ADGRD1: variants seen among roughly 807,000 people sequenced by gnomAD.
The protein encoded by ADGRD1 is adhesion G protein-coupled receptor D1.
A neutral mutation model predicts 113.4 loss-of-function variants in ADGRD1; 77 were observed. That is an observed-to-expected ratio of 0.68 (90% CI 0.57 to 0.82). The LOEUF (loss-of-function observed/expected upper bound fraction) is 0.82. ADGRD1 is among the 40% of genes least tolerant of loss of function. The pLI is 0.00. For synonymous variants in ADGRD1, 474 were observed against 475.0 expected, an observed-to-expected ratio of 1.00 and a Z score of 0.03; for missense variants, 1,036 against 1,139.1, an observed-to-expected ratio of 0.91 and a Z score of 1.30.
At position 130,966,778 on chromosome 12, in the gene ADGRD1, T is replaced by C. The variant is rs1427214000; in HGVS notation, c.187+232T>C. On this transcript the variant is annotated intron_variant, in intron 3 of 24. Coordinates refer to ENST00000261654, the MANE Select transcript of ADGRD1 (RefSeq NM_198827.5). This position sits in a 1 kb window ranked among gnomAD's most constrained non-coding sequence, Gnocchi z 4.6. ...CAAATACTTGTGTAACTTCCCGTAA[T>C]AGTTATTTCAAAGCTTTTTTTTTTG... 1.2e-5 allele frequency: 6 copies of C among 514,686 alleles called. No homozygotes were observed. The highest frequency in any genetic ancestry group is 3.7e-5 in the Admixed American group (1 of 27,392). 31.9% of individuals were successfully genotyped at this position (514,686 alleles called of 1,614,324 possible).
chr12:130,958,905 C>T (rs966464134), intron 2 of ADGRD1, among the ~76,000 whole-genome samples: 15 of 152,158 alleles, frequency 9.9e-5, no homozygotes, highest in Admixed American at 7.9e-4. Context: ...GCCCTCGCAC[C>T]GCGGGTGGAG....
At chr12:131,039,223 T>C (rs950193973) in intron 13 of ADGRD1, among the ~76,000 whole-genome samples, 1 of 151,506 alleles carries the variant, frequency 6.6e-6, no homozygotes, top group African/African-American at 2.4e-5. Flanking sequence ...CGGAGAGCCC[T>C]GTGCTCCTCC....
Position 131,113,677 on chromosome 12 carries a change from G to A in ADGRD1, c.2042-4708G>A, listed in dbSNP as rs948850460. ...CTTGGGCAGCCACCTCCAGACTGCG[G>A]CTGGTCATGCAGGGAGCTCCCCGAG... is the stretch of plus-strand genomic sequence containing the variant. On this transcript the variant is annotated intron_variant, in intron 18 of 24. Transcript: ENST00000261654. The surrounding 1 kb of genome is among the most constrained non-coding windows in gnomAD (Gnocchi z 4.9). Among the ~76,000 whole-genome samples, 1 of 152,198 alleles carries A rather than the reference G, an allele frequency of 6.6e-6. No homozygotes were observed. Among genetic ancestry groups the A allele is most frequent in the African/African-American group, 2.4e-5 (1 of 41,450 alleles).
intron 8 of ADGRD1, among the ~76,000 whole-genome samples, chr12:130,997,826 T>C (rs1047640523): frequency 8.5e-5 from 13 of 152,116 alleles, no homozygotes; most frequent in Non-Finnish European, 1.5e-5. Flanking sequence ...GGCTGCAATC[T>C]CGGCACTTTG....
intron 12 of ADGRD1, among the ~76,000 whole-genome samples, chr12:131,009,880 A>T (rs1877651485): frequency 6.6e-6 from 1 of 152,172 alleles, no homozygotes; most frequent in South Asian, 2.1e-4. Context: ...AAATGATAAG[A>T]GCTGAGAGTG....
intron 2 of ADGRD1, chr12:130,962,716 T>G (rs1357963228): frequency 6.6e-6 from 1 of 152,248 alleles, no homozygotes; most frequent in African/African-American, 2.4e-5. Flanking sequence ...GATAGGGCTA[T>G]TTTATTTAGA....
At chr12:131,138,606 C>A (rs373005560) in intron 24 of ADGRD1, among the ~76,000 whole-genome samples, 12 of 152,312 alleles carry the variant, frequency 7.9e-5, no homozygotes, top group African/African-American at 2.4e-4. Context: ...CTGCTTCCCC[C>A]CTGCTGGAGC....
intron 13 of ADGRD1, among the ~76,000 whole-genome samples, chr12:131,039,568 G>C (rs1161789535): frequency 2.6e-5 from 4 of 152,230 alleles, no homozygotes; most frequent in Admixed American, 2.6e-4. Flanking sequence ...TCTGGTCCTG[G>C]AGGCTGGCTG....
rs539105028 is a variant in ADGRD1, at chr12:131,059,618, C to T, written c.1474-17183C>T. On this transcript the variant is annotated intron_variant, in intron 13 of 24. Coordinates refer to ENST00000261654, the MANE Select transcript of ADGRD1 (RefSeq NM_198827.5). ...GCTTCAAAACTCCAAATCTGCTGAG[C>T]GCTGACATGACGCTCAAAGGAACTG... Among the ~76,000 whole-genome samples the T allele has an allele frequency of 1.2e-4, 18 of 152,282 alleles. No individual in the cohort carries two copies. The South Asian group carries it at 2.1e-3, about 18-fold the overall frequency.
rs1161809014 is a variant in ADGRD1 at position 130,971,682 on chromosome 12, T to C, written c.310+102T>C. 6 of 1,280,538 alleles carry C rather than the reference T, an allele frequency of 4.7e-6. No homozygotes were observed. The African/African-American group carries it at 7.5e-5, about 16-fold the overall frequency. 79.3% of individuals were successfully genotyped at this position (1,280,538 alleles called of 1,614,324 possible). A position where few individuals can be genotyped will look rare whatever the true frequency, so the allele number is the denominator to read the frequency against. On this transcript the variant is annotated intron_variant, in intron 4 of 24. Transcript: ENST00000261654. This position sits in a 1 kb window ranked among gnomAD's most constrained non-coding sequence, Gnocchi z 4.2. ...GATGTGAACCTGAGGTTCTCATCAATTGCAGAATGCGTGAGAATGTCAACG... is the reference window on the plus strand; with the variant it reads ...GATGTGAACCTGAGGTTCTCATCAACTGCAGAATGCGTGAGAATGTCAACG...
In ADGRD1 at chr12:130,954,256, C is replaced by A. The variant is rs1869241150; in HGVS notation, c.-210C>A. The stretch of plus-strand genomic sequence containing the variant: ...TGGTCATCGCAACGTGTTTATTGAT[C>A]ACTGAAGAATCTCAAGTTTTGAGAC... On this transcript the variant is annotated 5_prime_UTR_variant, in exon 1 of 25. Coordinates refer to ENST00000261654, the MANE Select transcript of ADGRD1 (RefSeq NM_198827.5). The surrounding 1 kb of genome is among the most constrained non-coding windows in gnomAD (Gnocchi z 4.7). 2.0e-6 allele frequency: 1 copy of A among 503,868 alleles called. No individual in the cohort carries two copies. Among genetic ancestry groups the A allele is most frequent in the Non-Finnish European group, 3.5e-6 (1 of 288,868 alleles). 31.2% of individuals were successfully genotyped at this position (503,868 alleles called of 1,614,324 possible). A position where few individuals can be genotyped will look rare whatever the true frequency, so the allele number is the denominator to read the frequency against.
intron 20 of ADGRD1, among the ~76,000 whole-genome samples, chr12:131,123,450 C>T (rs750273836): frequency 2.0e-5 from 3 of 152,072 alleles, no homozygotes; most frequent in Non-Finnish European, 2.9e-5. Context: ...GGCTTGAGGT[C>T]CTCATGCCCT....
rs117395061 is a variant in ADGRD1, at chr12:131,009,296, T to G, written c.1331+3249T>G. ...TCAGACACACCTGAACTAAGCGATG[T>G]TGTGTGCTGCTGTGGTTTCGATTGC... On this transcript the variant is annotated intron_variant, in intron 12 of 24. Coordinates refer to ENST00000261654, the MANE Select transcript of ADGRD1 (RefSeq NM_198827.5). 3.7e-3 allele frequency among the ~76,000 whole-genome samples: 570 copies of G among 152,334 alleles called. 10 individuals carry two copies. The East Asian group carries it at 0.064, about 17-fold the overall frequency.
chr12:131,103,287 T>G (rs1275873559), intron 15 of ADGRD1, among the ~76,000 whole-genome samples: 1 of 152,234 alleles, frequency 6.6e-6, no homozygotes. Context: ...GCTGTTTCAC[T>G]CCTGAAGGGG....
At chr12:131,032,952 G>A (rs1159274158) in intron 13 of ADGRD1, among the ~76,000 whole-genome samples, 1 of 109,108 alleles carries the variant, frequency 9.2e-6, no homozygotes, top group African/African-American at 3.1e-5. Context: ...CAGAGGTGAC[G>A]CTTATTAGAG....
At chr12:130,974,737 A>T (rs905404912) in intron 4 of ADGRD1, among the ~76,000 whole-genome samples, 3 of 152,142 alleles carry the variant, frequency 2.0e-5, no homozygotes, top group African/African-American at 7.2e-5. Flanking sequence ...TTTAGGGGAC[A>T]GGGTTGATGC....
At chr12:131,109,783 C>T (rs972052371) in intron 18 of ADGRD1, among the ~76,000 whole-genome samples, 7 of 152,162 alleles carry the variant, frequency 4.6e-5, no homozygotes, top group East Asian at 1.9e-4. Context: ...TCTATTTCAT[C>T]GCTGATCCTT....
intron 14 of ADGRD1, among the ~76,000 whole-genome samples, chr12:131,078,352 C>T (rs1305197317): frequency 2.0e-5 from 3 of 152,174 alleles, no homozygotes; most frequent in Admixed American, 6.5e-5. Context: ...TGGCCGTCGG[C>T]GTCTGGCTAT....
At chr12:131,066,405 C>T (rs1566078612) in intron 13 of ADGRD1, among the ~76,000 whole-genome samples, 2 of 152,268 alleles carry the variant, frequency 1.3e-5, no homozygotes, top group South Asian at 4.1e-4. Flanking sequence ...ACCTTCCAGG[C>T]TGTGGGGCGG....
Sources: allele counts gnomAD v4.1 joint callset (sites outside exome capture counted in the v4.1 genomes callset), GRCh38; gene constraint gnomAD v4.1.1; non-coding constraint Gnocchi (gnomAD v3.1); transcripts MANE v1.5; gene names NCBI Gene and HGNC (gene_info 2026-07-23, HGNC 2026-07-21).